Variants in SPTBN4 observed in about 807,000 individuals in gnomAD.
The protein encoded by SPTBN4 is spectrin beta chain, non-erythrocytic 4.
SPTBN4 carries 96 observed loss-of-function variants against 277.8 expected under a neutral mutation model. The observed-to-expected ratio is 0.35, with a 90% CI of 0.29 to 0.41. The LOEUF is 0.41. Ranked by LOEUF, SPTBN4 falls within the 10% of genes least tolerant of loss-of-function variation. The pLI is 1.00. For missense variants in SPTBN4, 3,006 were observed against 3,595.7 expected, an observed-to-expected ratio of 0.84 and a Z score of 4.19; for synonymous variants, 1,481 against 1,580.3, an observed-to-expected ratio of 0.94 and a Z score of 1.49.
intron 20 of SPTBN4, among the ~76,000 whole-genome samples, chr19:40,546,250 GAAAGA>G (rs1043738596): frequency 2.0e-5 from 3 of 149,214 alleles, no homozygotes; most frequent in African/African-American, 7.4e-5. Flanking sequence ...AAGAAAGAAA[GAAAGA>G]AAAGAAAAAA....
chr19:40,533,524 T>A (rs2080701095), intron 19 of SPTBN4, among the ~76,000 whole-genome samples: 1 of 152,120 alleles, frequency 6.6e-6, no homozygotes, highest in African/African-American at 2.4e-5. Context: ...CTTTTCTGAC[T>A]CACACAGAGA....
At chr19:40,543,255 G>A (rs548291987) in intron 20 of SPTBN4, among the ~76,000 whole-genome samples, 69 of 152,160 alleles carry the variant, frequency 4.5e-4, no homozygotes, top group African/African-American at 1.3e-3. Context: ...TTGGAGACCC[G>A]CCTGGCCAAC....
intron 17 of SPTBN4, among the ~76,000 whole-genome samples, chr19:40,526,877 T>C (rs1281838210): frequency 6.6e-6 from 1 of 152,172 alleles, no homozygotes; most frequent in African/African-American, 2.4e-5. Flanking sequence ...GCGTGAGCCA[T>C]CGTGCCCGGC....
chr19:40,575,799 A>C lies in SPTBN4; in HGVS notation c.*230A>C. The C allele has an allele frequency of 2.4e-6, 1 of 415,222 alleles. No individual in the cohort carries two copies. The highest frequency in any genetic ancestry group is 4.2e-6 in the Non-Finnish European group (1 of 237,810). The allele number at this position is 415,222 out of a possible 1,614,324, so 25.7% of individuals were successfully genotyped here. ...CCTTCCCACTCACCACCCCCACCCC[A>C]GGTGCTGGGGGTCCCTTATTTTTAT... On this transcript the variant is annotated 3_prime_UTR_variant, in exon 36 of 36. Coordinates refer to ENST00000598249, the MANE Select transcript of SPTBN4 (RefSeq NM_020971.3).
At position 40,534,351 on chromosome 19, in the gene SPTBN4, C is replaced by G. The variant is rs560840387; in HGVS notation, c.4359+8C>G. ...CAGCTCAAGAAGCTGCAGGTATGGT[C>G]TTCCTGGCCCAGATGAGGGCTCCCT... On this transcript the variant is annotated splice_region_variant and intron_variant, in intron 20 of 35. Coordinates refer to ENST00000598249, the MANE Select transcript of SPTBN4 (RefSeq NM_020971.3). The G allele has an allele frequency of 6.2e-7, 1 of 1,611,238 alleles. No individual in the cohort carries two copies. The highest frequency in any genetic ancestry group is 1.1e-5 in the South Asian group (1 of 90,912).
In SPTBN4 at chr19:40,565,671, A is replaced by C. The variant is rs766201657; in HGVS notation, c.6065A>C (p.Gln2022Pro). The change falls in exon 29 of 36, where the codon CAG becomes CCG. Residue 2022 changes from glutamine (Q) to proline (P), a missense_variant. By Grantham distance (76) the Gln-to-Pro change is moderately conservative. Transcript: ENST00000598249. ...ACCTGCCACTCCCAGATCCAGGCAC[A>C]GCTGGACAAGCTGGGAACCAGGAAG... ...KSAMADEIQA[Q>P]LDKLGTRKEE... 1.3e-6 allele frequency: 2 copies of C among 1,555,908 alleles called. No homozygotes were observed. Among genetic ancestry groups the C allele is most frequent in the South Asian group, 1.2e-5 (1 of 84,832 alleles).
chr19:40,502,684 C>G lies in SPTBN4; in HGVS notation c.1204-91C>G. 2 of 1,528,062 alleles carry G rather than the reference C, an allele frequency of 1.3e-6. No individual in the cohort carries two copies. The highest frequency in any genetic ancestry group is 1.8e-6 in the Non-Finnish European group (2 of 1,135,292). 94.7% of individuals were successfully genotyped at this position (1,528,062 alleles called of 1,614,324 possible). A position where few individuals can be genotyped will look rare whatever the true frequency, so the allele number is the denominator to read the frequency against. ...ATTTTTTCCAATTTGCATGAAGTTG[C>G]CATAATGCTATGAGTGACCTCAGAC... On this transcript the variant is annotated intron_variant, in intron 10 of 35. Coordinates refer to ENST00000598249, the MANE Select transcript of SPTBN4 (RefSeq NM_020971.3). The surrounding 1 kb of genome is among the most constrained non-coding windows in gnomAD (Gnocchi z 4.9).
chr19:40,573,945 C>CA (rs1012680934), intron 35 of SPTBN4, among the ~76,000 whole-genome samples: 12 of 151,668 alleles, frequency 7.9e-5, no homozygotes, highest in Non-Finnish European at 1.8e-4. Flanking sequence ...ACTAAAAATA[C>CA]AAAAAAATTA....
At chr19:40,485,289 A>G (rs2080059111) in intron 2 of SPTBN4, among the ~76,000 whole-genome samples, 1 of 152,108 alleles carries the variant, frequency 6.6e-6, no homozygotes, top group Non-Finnish European at 1.5e-5. Flanking sequence ...AGCTGAGATT[A>G]CAGATGTGCG....
At chr19:40,553,649 G>C (rs2080943198) in intron 22 of SPTBN4, among the ~76,000 whole-genome samples, 1 of 152,236 alleles carries the variant, frequency 6.6e-6, no homozygotes, top group Non-Finnish European at 1.5e-5. Flanking sequence ...TGCAAGTACA[G>C]AGCTGGTTGA....
chr19:40,552,442 C>G (rs1428478140), intron 22 of SPTBN4, among the ~76,000 whole-genome samples: 1 of 120,914 alleles, frequency 8.3e-6, no homozygotes, highest in Non-Finnish European at 1.6e-5. Flanking sequence ...GTGTCAAGAG[C>G]GAGACTCCGT....
At position 40,554,098 on chromosome 19, in the gene SPTBN4, C is replaced by A; in HGVS notation, c.4675-49C>A. 7.2e-7 allele frequency: 1 copy of A among 1,395,384 alleles called. No homozygotes were observed. The highest frequency in any genetic ancestry group is 9.2e-7 in the Non-Finnish European group (1 of 1,084,772). 86.4% of individuals were successfully genotyped at this position (1,395,384 alleles called of 1,614,324 possible). ...CAGAGGAGCGTGTGGTCTTGCAGGGCCTCGGAACGCCCCCTCTCCACCCAC... is the reference window on the plus strand; with the variant it reads ...CAGAGGAGCGTGTGGTCTTGCAGGGACTCGGAACGCCCCCTCTCCACCCAC... On this transcript the variant is annotated intron_variant, in intron 22 of 35. Transcript: ENST00000598249. The surrounding 1 kb of genome is among the most constrained non-coding windows in gnomAD (Gnocchi z 5.7).
Position 40,513,162 on chromosome 19 carries a change from C to A in SPTBN4, c.2373C>A (p.Asp791Glu). Residue 791 changes from aspartate to glutamate, a missense_variant, in exon 14 of 36, where the codon GAC becomes GAA. Coordinates refer to ENST00000598249, the MANE Select transcript of SPTBN4 (RefSeq NM_020971.3). ...DLDGLLDWLR[D>E]AYRLAAAGDF... ...ACGGGCTGCTGGACTGGCTTCGCGA[C>A]GCTTACCGCCTGGCAGCCGCCGGTG... is the stretch of plus-strand genomic sequence containing the variant. 1.3e-6 allele frequency: 2 copies of A among 1,500,180 alleles called. No individual in the cohort carries two copies. Among genetic ancestry groups the A allele is most frequent in the East Asian group, 2.8e-5 (1 of 36,262 alleles). 92.9% of individuals were successfully genotyped at this position (1,500,180 alleles called of 1,614,324 possible).
intron 18 of SPTBN4, among the ~76,000 whole-genome samples, chr19:40,531,024 G>A (rs1384475021): frequency 6.6e-6 from 1 of 151,314 alleles, no homozygotes; most frequent in Admixed American, 6.6e-5. Flanking sequence ...GGATGATGGA[G>A]GTGAATCACT....
intron 20 of SPTBN4, among the ~76,000 whole-genome samples, chr19:40,535,269 G>A (rs2080722528): frequency 6.6e-6 from 1 of 151,664 alleles, no homozygotes; most frequent in African/African-American, 2.4e-5. Flanking sequence ...TATTGCCTAG[G>A]GTAGTCTCAA....
intron 34 of SPTBN4, 29 bp from the exon 35 acceptor site, chr19:40,572,309 T>A: frequency 6.2e-7 from 1 of 1,613,486 alleles, no homozygotes; most frequent in Non-Finnish European, 8.5e-7. Context: ...CTTCCCCAGA[T>A]CTCTGAAGTC....
At chr19:40,522,439 G>A (rs954870956) in intron 16 of SPTBN4, among the ~76,000 whole-genome samples, 1 of 146,928 alleles carries the variant, frequency 6.8e-6, no homozygotes, top group African/African-American at 2.5e-5. Flanking sequence ...CACCTCCTCC[G>A]CCTTCTGGGT....
intron 20 of SPTBN4, among the ~76,000 whole-genome samples, chr19:40,535,966 T>TAAAAAAATA (rs1216334034): frequency 6.6e-6 from 1 of 151,414 alleles, no homozygotes; most frequent in African/African-American, 2.4e-5. Context: ...TCTCAAAAAA[T>TAAAAAAATA]AAAAAAATAA....
intron 20 of SPTBN4, among the ~76,000 whole-genome samples, chr19:40,544,593 G>A (rs2080839481): frequency 2.6e-5 from 4 of 151,360 alleles, no homozygotes; most frequent in Non-Finnish European, 1.5e-5. Context: ...GATTACAGGT[G>A]TCTGCCATCA....
Sources: allele counts gnomAD v4.1 joint callset (sites outside exome capture counted in the v4.1 genomes callset), GRCh38; gene constraint gnomAD v4.1.1; non-coding constraint Gnocchi (gnomAD v3.1); transcripts MANE v1.5; gene names NCBI Gene and HGNC (gene_info 2026-07-23, HGNC 2026-07-21).